Variants in NPHP1 observed in about 807,000 individuals in gnomAD.
NPHP1 encodes the protein nephrocystin 1.
NPHP1 carries 70 observed loss-of-function variants against 90.4 expected under a neutral mutation model. That is an observed-to-expected ratio of 0.77 (90% CI 0.64 to 0.95). NPHP1 has a LOEUF of 0.95. NPHP1 is among the 40% of genes least tolerant of loss of function. The probability of loss-of-function intolerance (pLI) is 0.00; values close to 1 mark genes in which losing one functional copy is unlikely to be tolerated. For synonymous variants in NPHP1, 256 were observed against 271.7 expected (o/e 0.94, Z 0.57); for missense variants, 764 against 795.9 (o/e 0.96, Z 0.48).
In NPHP1 at chr2:110,143,950, G is replaced by A. The variant is rs528103040; in HGVS notation, c.1430-309C>T. 26 of 376,482 alleles carry A rather than the reference G, an allele frequency of 6.9e-5. 1 individual carries two copies. The highest frequency in any genetic ancestry group is 6.0e-4 in the South Asian group (25 of 41,838). 23.3% of individuals were successfully genotyped at this position (376,482 alleles called of 1,614,324 possible). On this transcript the variant is annotated intron_variant, in intron 15 of 19. Transcript: ENST00000445609. The stretch of plus-strand genomic sequence containing the variant: ...GTTCCAAGAAGGCAGGACTGGCGTT[G>A]TGGGGTCAGCAGAGGTGGCATGTCT...
At chr2:110,179,355 A>G (rs1683725842) in intron 3 of NPHP1, among the ~76,000 whole-genome samples, 2 of 152,174 alleles carry the variant, frequency 1.3e-5, no homozygotes, top group Non-Finnish European at 1.5e-5. Flanking sequence ...AAATGCAAAA[A>G]TAAAAATAGC....
At chr2:110,201,322 TC>T (rs1685563418) in intron 2 of NPHP1, 98 bp downstream of exon 2, 1 of 816,658 alleles carries the variant, frequency 1.2e-6, no homozygotes, top group Non-Finnish European at 2.1e-6. Context: ...ATGTGATTCT[TC>T]CATTTGATTC....
chr2:110,142,044 A>G (rs1017033726), intron 16 of NPHP1, among the ~76,000 whole-genome samples: 1 of 151,998 alleles, frequency 6.6e-6, no homozygotes, highest in African/African-American at 2.4e-5. Context: ...GTTAAACTCC[A>G]TATGTCCCAG....
intron 8 of NPHP1, 121 bp from the exon 9 acceptor site, chr2:110,163,256 G>C: frequency 2.7e-6 from 2 of 752,780 alleles, no homozygotes; most frequent in Non-Finnish European, 4.6e-6. Flanking sequence ...GACTTTAGTG[G>C]AAGAATAATA....
chr2:110,135,503 A>C (rs919687772), intron 16 of NPHP1, among the ~76,000 whole-genome samples: 3 of 150,448 alleles, frequency 2.0e-5, no homozygotes, highest in Admixed American at 6.6e-5. Flanking sequence ...AAAAAAAAAA[A>C]AGTGAGTTCT....
chr2:110,168,469 G>A lies in NPHP1; in HGVS notation c.607C>T (p.Pro203Ser). ...AGACTAACCTCTAGGTAGGTTCTGG[G>A]AACAAGACCTTCATTTCCTTTGGCA... is the stretch of plus-strand genomic sequence containing the variant. Reference protein sequence around the residue: ...KDAKGNEGLVPRTYLEPYSEE... With the variant: ...KDAKGNEGLVSRTYLEPYSEE... The change falls in exon 6 of 20, where the codon CCC becomes TCC. Residue 203 changes from proline to serine, a missense_variant. Physicochemically the swap from Pro to Ser is moderately conservative, Grantham distance 74 (BLOSUM62 -1). Coordinates refer to ENST00000445609, the MANE Select transcript of NPHP1 (RefSeq NM_001128178.3). 1.2e-6 allele frequency: 2 copies of A among 1,611,798 alleles called. No homozygotes were observed. Among genetic ancestry groups the A allele is most frequent in the Non-Finnish European group, 1.7e-6 (2 of 1,178,166 alleles).
Position 110,184,009 on chromosome 2 carries a change from C to T in NPHP1, c.144-4325G>A, listed in dbSNP as rs192318662. The T allele has an allele frequency of 2.2e-4, 92 of 411,290 alleles. 1 individual carries two copies. The highest frequency in any genetic ancestry group is 3.6e-4 in the Non-Finnish European group (74 of 204,276). 25.5% of individuals were successfully genotyped at this position (411,290 alleles called of 1,614,324 possible). A position where few individuals can be genotyped will look rare whatever the true frequency, so the allele number is the denominator to read the frequency against. Reference sequence around the variant, plus strand: ...TTAAGAAATTCATGAATGGCACTAGCGGCAGACCCAACTGGTAGTTCCTTC... The same window carrying T: ...TTAAGAAATTCATGAATGGCACTAGTGGCAGACCCAACTGGTAGTTCCTTC... On this transcript the variant is annotated intron_variant, in intron 2 of 19. Transcript: ENST00000445609.
chr2:110,155,796 G>C (rs1261463762), intron 11 of NPHP1, among the ~76,000 whole-genome samples: 3 of 152,128 alleles, frequency 2.0e-5, no homozygotes, highest in African/African-American at 7.2e-5. Context: ...GATTTTACAG[G>C]CTCATAGGCA....
At chr2:110,145,481 G>A (rs1247456888) in intron 14 of NPHP1, among the ~76,000 whole-genome samples, 2 of 151,798 alleles carry the variant, frequency 1.3e-5, no homozygotes, top group East Asian at 1.9e-4. Context: ...GTAGAGACAG[G>A]GTCTCACCAT....
At chr2:110,147,419 C>T (rs1028750685) in intron 13 of NPHP1, among the ~76,000 whole-genome samples, 1 of 152,092 alleles carries the variant, frequency 6.6e-6, no homozygotes, top group Non-Finnish European at 1.5e-5. Context: ...ACTATATATA[C>T]TATACCTATC....
At chr2:110,127,767 G>A (rs1294598274) in intron 18 of NPHP1, 1 of 152,032 alleles carries the variant, frequency 6.6e-6, no homozygotes, top group African/African-American at 2.4e-5. Context: ...TGCTCATCAG[G>A]GAAATGCAGA....
At chr2:110,187,388 C>A (rs1231378416) in intron 2 of NPHP1, among the ~76,000 whole-genome samples, 1 of 152,236 alleles carries the variant, frequency 6.6e-6, no homozygotes, top group South Asian at 2.1e-4. Context: ...ACTATAAACA[C>A]CTCTATGCAC....
intron 14 of NPHP1, among the ~76,000 whole-genome samples, chr2:110,145,290 GT>G (rs1680939271): frequency 6.6e-6 from 1 of 152,044 alleles, no homozygotes; most frequent in Admixed American, 6.6e-5. Context: ...GTTTTGCTTT[GT>G]TTTGTTTTTG....
chr2:110,142,066 C>G (rs1680688476), intron 16 of NPHP1, among the ~76,000 whole-genome samples: 1 of 151,898 alleles, frequency 6.6e-6, no homozygotes, highest in Non-Finnish European at 1.5e-5. Flanking sequence ...AATCTCACTC[C>G]TAGGTATTTA....
At chr2:110,178,659 G>C in intron 3 of NPHP1, 112 bp from the exon 4 acceptor site, 1 of 863,960 alleles carries the variant, frequency 1.2e-6, no homozygotes, top group Non-Finnish European at 1.8e-6. Context: ...ATATCAGTGT[G>C]ACATTACACC....
In NPHP1 at chr2:110,173,083, C is replaced by T. The variant is rs535022470; in HGVS notation, c.330-3085G>A. On this transcript the variant is annotated intron_variant, in intron 4 of 19. Transcript: ENST00000445609. ...AAGCGATTCTCCTGCCTCCGACTCC[C>T]GAGTAGCTGGGACTACAGGCATGCA... is the stretch of plus-strand genomic sequence containing the variant. 4.0e-5 allele frequency among the ~76,000 whole-genome samples: 6 copies of T among 151,630 alleles called. No homozygotes were observed. The East Asian group carries it at 7.8e-4, about 20-fold the overall frequency.
At chr2:110,139,204 T>TACACAC (rs35627203) in intron 16 of NPHP1, among the ~76,000 whole-genome samples, 5,859 of 148,590 alleles carry the variant, frequency 0.039, 350 homozygotes, top group African/African-American at 0.13. Context: ...ATAGCAAATT[T>TACACAC]ACACACACAC....
chr2:110,189,625 G>A (rs902524503), intron 2 of NPHP1, among the ~76,000 whole-genome samples: 8 of 152,208 alleles, frequency 5.3e-5, no homozygotes, highest in African/African-American at 9.6e-5. Context: ...TGCTGGCTCC[G>A]GCAGCCTGCT....
chr2:110,184,097 C>G (rs1030105383), intron 2 of NPHP1: 2 of 538,788 alleles, frequency 3.7e-6, no homozygotes, highest in Non-Finnish European at 7.4e-6. Flanking sequence ...CTGTCATGAT[C>G]GACAATGAAT....
Sources: allele counts gnomAD v4.1 joint callset (sites outside exome capture counted in the v4.1 genomes callset), GRCh38; gene constraint gnomAD v4.1.1; transcripts MANE v1.5; gene names NCBI Gene and HGNC (gene_info 2026-07-23, HGNC 2026-07-21).